Variants in CACNA1S observed in about 807,000 individuals in gnomAD.
The protein encoded by CACNA1S is voltage-dependent L-type calcium channel subunit alpha-1S.
CACNA1S carries 126 observed loss-of-function variants against 207.4 expected under a neutral mutation model. That is an observed-to-expected ratio of 0.61 (90% CI 0.53 to 0.70). CACNA1S has a LOEUF of 0.70. Ranked by LOEUF, CACNA1S falls within the 30% of genes least tolerant of loss-of-function variation. The pLI, the probability that CACNA1S is intolerant of heterozygous loss-of-function variation, is 0.00. For synonymous variants in CACNA1S, 960 were observed against 932.7 expected (o/e 1.03, Z -0.53); for missense variants, 2,349 against 2,422.8 (o/e 0.97, Z 0.64).
chr1:201,048,544 G>A (rs1392908351), intron 36 of CACNA1S, 38 bp downstream of exon 36: 35 of 1,477,226 alleles, frequency 2.4e-5, no homozygotes, highest in Non-Finnish European at 3.2e-5. Context: ...ACAGCCTCTG[G>A]GAGAAAGGAG....
rs1160627876 is a variant in CACNA1S at position 201,066,988 on chromosome 1, C to T, written c.2556G>A (p.Thr852=). 6.8e-6 allele frequency: 11 copies of T among 1,612,454 alleles called. No homozygotes were observed. Among genetic ancestry groups the T allele is most frequent in the African/African-American group, 1.3e-5 (1 of 74,918 alleles). The change falls in exon 20 of 44, where the codon ACG becomes ACA. Residue 852 remains threonine, a synonymous_variant. Transcript: ENST00000362061. The surrounding 1 kb of genome is among the most constrained non-coding windows in gnomAD (Gnocchi z 4.3). ...VFTVEIVLKM[T]TYGAFLHKGS... is the part of the protein sequence containing the mutation. ...CCTTGTGCAGGAAGGCTCCGTAGGT[C>T]GTCATCTGGGGAGAAAGAGGCAGCA... is the stretch of plus-strand genomic sequence containing the variant.
At chr1:201,052,772 G>A (rs1660700404) in intron 31 of CACNA1S, 124 bp from the exon 32 acceptor site, 2 of 805,884 alleles carry the variant, frequency 2.5e-6, no homozygotes, top group Admixed American at 3.9e-5. Flanking sequence ...TCCCTTCATT[G>A]CGGGCCACAT....
At chr1:201,052,789 T>A in intron 31 of CACNA1S, 141 bp from the exon 32 acceptor site, 2 of 708,962 alleles carry the variant, frequency 2.8e-6, no homozygotes, top group Admixed American at 2.3e-5. Context: ...ACATCAGACC[T>A]GAAGCCAAAA....
chr1:201,058,476 G>C lies in CACNA1S; in HGVS notation c.3541C>G (p.Pro1181Ala), dbSNP rs1660926377. Residue 1181 changes from proline to alanine, a missense_variant, in exon 28 of 44, where the codon CCC becomes GCC. Pro to Ala is a conservative substitution (Grantham distance 27). Coordinates refer to ENST00000362061, the MANE Select transcript of CACNA1S (RefSeq NM_000069.3). ...ATCAGGAAGTCAAACACATTCCAGG[G>C]GTCTCCAAAGTAGCCCTGGGAAGGA... is the stretch of plus-strand genomic sequence containing the variant. The part of the protein sequence containing the change: ...AFKARGYFGD[P>A]WNVFDFLIVI... 3 of 1,613,918 alleles carry C rather than the reference G, an allele frequency of 1.9e-6. No individual in the cohort carries two copies. The highest frequency in any genetic ancestry group is 1.7e-6 in the Non-Finnish European group (2 of 1,179,894).
intron 16 of CACNA1S, among the ~76,000 whole-genome samples, chr1:201,070,852 C>T (rs1329479871): frequency 6.6e-6 from 1 of 152,114 alleles, no homozygotes. Context: ...TTTGTGAAAC[C>T]GACAAGGGGC....
At chr1:201,093,712 C>T (rs1046338613) in intron 3 of CACNA1S, among the ~76,000 whole-genome samples, 170 bp downstream of exon 3, 4 of 152,182 alleles carry the variant, frequency 2.6e-5, no homozygotes, top group African/African-American at 9.7e-5. Context: ...CACTCTCCAC[C>T]AACATGGACA....
intron 40 of CACNA1S, among the ~76,000 whole-genome samples, chr1:201,042,628 G>T (rs1202614124): frequency 1.3e-5 from 2 of 152,224 alleles, no homozygotes; most frequent in Admixed American, 6.5e-5. Context: ...ACTGGAAGGG[G>T]TGCAGGCAGC....
rs543766190 is a variant in CACNA1S, at chr1:201,082,185, C to T, written c.1393+977G>A. 1.3e-4 allele frequency among the ~76,000 whole-genome samples: 20 copies of T among 152,168 alleles called. No individual in the cohort carries two copies. The South Asian group carries it at 2.3e-3, about 17-fold the overall frequency. ...CTGGGACTACGGGTGCATGCCACCACGCCCAGCTAATTTTTGTATTTTTAG... is the reference window on the plus strand; with the variant it reads ...CTGGGACTACGGGTGCATGCCACCATGCCCAGCTAATTTTTGTATTTTTAG... On this transcript the variant is annotated intron_variant, in intron 10 of 43. Transcript: ENST00000362061.
rs543850144 is a variant in CACNA1S at position 201,053,294 on chromosome 1, G to A, written c.3796-20C>T. 24 of 1,613,904 alleles carry A rather than the reference G, an allele frequency of 1.5e-5. No individual in the cohort carries two copies. Among genetic ancestry groups the A allele is most frequent in the Admixed American group, 1.0e-4 (6 of 60,028 alleles). Reference sequence around the variant, plus strand: ...TAGGGCCTGCAGGGCGGGCGGGAGCGCCAGTCAGTGTCTTAGGGCTCCACT... The same window carrying A: ...TAGGGCCTGCAGGGCGGGCGGGAGCACCAGTCAGTGTCTTAGGGCTCCACT... On this transcript the variant is annotated intron_variant, in intron 30 of 43. Coordinates refer to ENST00000362061, the MANE Select transcript of CACNA1S (RefSeq NM_000069.3). The surrounding 1 kb of genome is among the most constrained non-coding windows in gnomAD (Gnocchi z 5.1).
chr1:201,064,626 T>G (rs1661180959), intron 22 of CACNA1S, among the ~76,000 whole-genome samples: 1 of 152,154 alleles, frequency 6.6e-6, no homozygotes, highest in Non-Finnish European at 1.5e-5. Context: ...AGATCGTGCT[T>G]TGGTGATAGG....
chr1:201,053,357 G>A lies in CACNA1S; in HGVS notation c.3796-83C>T. ...CCCTGCCCTCTGTTAGCTCCCCAGG[G>A]CTCTGCCTTGCCCAGGGCTCCCCTG... On this transcript the variant is annotated intron_variant, in intron 30 of 43. Transcript: ENST00000362061. This position sits in a 1 kb window ranked among gnomAD's most constrained non-coding sequence, Gnocchi z 5.1. 1 of 1,611,026 alleles carries A rather than the reference G, an allele frequency of 6.2e-7. No individual in the cohort carries two copies. Among genetic ancestry groups the A allele is most frequent in the Non-Finnish European group, 8.5e-7 (1 of 1,177,486 alleles).
rs75057389 is a variant in CACNA1S at position 201,062,320 on chromosome 1, C to A, written c.2906+142G>T. On this transcript the variant is annotated intron_variant, in intron 23 of 43. Transcript: ENST00000362061. ...AGCTTGAAGGGCCGTCATCCACCAACACACAGTCCCCTGCCCTGTGATCGT... is the reference window on the plus strand; with the variant it reads ...AGCTTGAAGGGCCGTCATCCACCAAAACACAGTCCCCTGCCCTGTGATCGT... The A allele has an allele frequency of 1.9e-3, 1,868 of 998,316 alleles. 37 individuals are homozygous for A. The East Asian group carries it at 0.034, about 18-fold the overall frequency. The allele number at this position is 998,316 out of a possible 1,614,324, so 61.8% of individuals were successfully genotyped here.
In CACNA1S at chr1:201,040,575, G is replaced by A. The variant is rs144083319; in HGVS notation, c.5226+47C>T. 9.5e-4 allele frequency: 1,475 copies of A among 1,551,488 alleles called. 2 individuals carry two copies. The highest frequency in any genetic ancestry group is 3.0e-3 in the Middle Eastern group (18 of 5,970). On this transcript the variant is annotated intron_variant, in intron 42 of 43. Transcript: ENST00000362061. Reference sequence around the variant, plus strand: ...GATCCCACTCCAAGTATCAGGCCAGGCAGGGTCTCTGTATGGAGTTTGCTC... The same window carrying A: ...GATCCCACTCCAAGTATCAGGCCAGACAGGGTCTCTGTATGGAGTTTGCTC...
rs909999331 is a variant in CACNA1S at position 201,060,749 on chromosome 1, T to C, written c.3323A>G (p.Gln1108Arg). 1.2e-6 allele frequency: 2 copies of C among 1,614,090 alleles called. No individual in the cohort carries two copies. The highest frequency in any genetic ancestry group is 1.7e-6 in the Non-Finnish European group (2 of 1,179,972). Residue 1108 changes from glutamine to arginine, a missense_variant, in exon 26 of 44, where the codon CAG becomes CGG. By Grantham distance (43) the Gln-to-Arg change is conservative. Coordinates refer to ENST00000362061, the MANE Select transcript of CACNA1S (RefSeq NM_000069.3). The part of the protein sequence containing the change: ...LRCYIPKNPY[Q>R]YQVWYIVTSS... ...GGTGACAATGTACCACACCTGGTAC[T>C]GGTATGGGTTTTTGGGAATGTAGCA...
Position 201,075,578 on chromosome 1 carries a change from T to TTG in CACNA1S, c.1863_1864dup (p.Asn622ThrfsTer50). The TTG allele has an allele frequency of 6.2e-7, 1 of 1,614,008 alleles. No homozygotes were observed. The highest frequency in any genetic ancestry group is 8.5e-7 in the Non-Finnish European group (1 of 1,179,928). On this transcript the variant is annotated frameshift_variant, in exon 13 of 44. Transcript: ENST00000362061. LOFTEE classifies it high-confidence loss of function. The stretch of plus-strand genomic sequence containing the variant: ...CGGCCCGCCGTAGGCCATGATCCCA[T>TTG]TGTACATCATTGAGGTCCAGTCTTC...
rs1198118590 is a variant in CACNA1S at position 201,069,520 on chromosome 1, A to G, written c.2442T>C (p.Ala814=). The G allele has an allele frequency of 2.5e-6, 4 of 1,592,986 alleles. No homozygotes were observed. Among genetic ancestry groups the G allele is most frequent in the Non-Finnish European group, 3.4e-6 (4 of 1,171,252 alleles). The change falls in exon 18 of 44, where the codon GCT becomes GCC. Residue 814 remains alanine (A), a synonymous_variant. Coordinates refer to ENST00000362061, the MANE Select transcript of CACNA1S (RefSeq NM_000069.3). ...FILLFILLSS[A]ALAAEDPIRA... ...GGATGGGGTCTTCCGCAGCCAGTGC[A>G]GCGCTGCTGAGCAGGATGAAGAGCA... is the stretch of plus-strand genomic sequence containing the variant.
chr1:201,102,553 A>G (rs1662717193), intron 2 of CACNA1S, among the ~76,000 whole-genome samples: 1 of 152,196 alleles, frequency 6.6e-6, no homozygotes, highest in Non-Finnish European at 1.5e-5. Flanking sequence ...CTGAGAGTGG[A>G]CATACAGTCA....
rs114818892 is a variant in CACNA1S at position 201,106,048 on chromosome 1, G to A, written c.258+4116C>T. Among the ~76,000 whole-genome samples the A allele has an allele frequency of 6.4e-3, 967 of 152,258 alleles. 11 individuals are homozygous for A. Among genetic ancestry groups the A allele is most frequent in the African/African-American group, 0.018 (729 of 41,548 alleles). On this transcript the variant is annotated intron_variant, in intron 2 of 43. Coordinates refer to ENST00000362061, the MANE Select transcript of CACNA1S (RefSeq NM_000069.3). ...GCACCTGTATCACCACACATCTGAA[G>A]TTGAACTCACCACCTTCCTCCTCCC... is the stretch of plus-strand genomic sequence containing the variant.
chr1:201,078,187 C>A (rs1027925670), intron 10 of CACNA1S, 83 bp from the exon 11 acceptor site: 11 of 1,063,900 alleles, frequency 1.0e-5, no homozygotes, highest in African/African-American at 9.3e-5. Flanking sequence ...GGGCCTCAAC[C>A]CAGGACGCCC....
Sources: gnomAD v4.1 joint callset for allele counts (sites outside exome capture counted in the v4.1 genomes callset) on GRCh38, gnomAD v4.1.1 for gene constraint, Gnocchi (gnomAD v3.1) non-coding constraint, MANE v1.5 for transcripts, NCBI Gene and HGNC (gene_info 2026-07-23, HGNC 2026-07-21) for gene names.